The following CLVS1 variants were observed in gnomAD, a reference collection of about 807,000 sequenced individuals.
CLVS1 encodes clavesin-1.
CLVS1 carries 10 observed loss-of-function variants against 33.1 expected under a neutral mutation model. That is an observed-to-expected ratio of 0.30 (90% CI 0.19 to 0.51). The LOEUF (loss-of-function observed/expected upper bound fraction) is 0.51. Ranked by LOEUF, CLVS1 falls within the 20% of genes least tolerant of loss-of-function variation. The probability of loss-of-function intolerance (pLI) is 0.97; values close to 1 mark genes in which losing one functional copy is unlikely to be tolerated. For synonymous variants in CLVS1, 163 were observed against 166.1 expected, an observed-to-expected ratio of 0.98 and a Z score of 0.14; for missense variants, 343 against 433.4, an observed-to-expected ratio of 0.79 and a Z score of 1.85.
At chr8:60,973,956 T>C in the CLVS1 span, among the ~76,000 whole-genome samples, 1 of 152,202 alleles carries the variant, frequency 6.6e-6, no homozygotes, top group African/African-American at 2.4e-5. Context: ...TGTAATTTTA[T>C]TTTTATTCTT....
At chr8:61,321,546 T>C (rs568521818) in intron 2 of CLVS1, among the ~76,000 whole-genome samples, 31 of 152,220 alleles carry the variant, frequency 2.0e-4, no homozygotes, top group Admixed American at 6.5e-4. Flanking sequence ...ATGCAAACTC[T>C]ACATTCTCTA....
intron 2 of CLVS1, among the ~76,000 whole-genome samples, chr8:61,368,197 C>G (rs1188254981): frequency 1.3e-5 from 2 of 152,168 alleles, no homozygotes; most frequent in East Asian, 3.8e-4. Context: ...ATTGCACATG[C>G]ACACACACAG....
At chr8:61,414,561 G>T (rs1263764468) in intron 3 of CLVS1, among the ~76,000 whole-genome samples, 1 of 152,138 alleles carries the variant, frequency 6.6e-6, no homozygotes, top group Non-Finnish European at 1.5e-5. Flanking sequence ...AAGAGATTGA[G>T]AAATGCCCTC....
At chr8:61,299,614 A>C in intron 1 of CLVS1, 63 bp from the exon 2 acceptor site, 2 of 543,280 alleles carry the variant, frequency 3.7e-6, no homozygotes, top group Non-Finnish European at 6.5e-6. Context: ...GCTCCAATTA[A>C]TTTGCCCAGA....
At chr8:61,106,868 A>G (rs757691434) in intron 1 of CLVS1, among the ~76,000 whole-genome samples, 11 of 152,144 alleles carry the variant, frequency 7.2e-5, no homozygotes, top group South Asian at 2.1e-4. Flanking sequence ...GAGGCGGGCA[A>G]GCAGAGGGCC....
chr8:61,260,000 C>T (rs748623502), intron 2 of CLVS1, among the ~76,000 whole-genome samples: 4 of 152,200 alleles, frequency 2.6e-5, no homozygotes, highest in African/African-American at 4.8e-5. Flanking sequence ...TTGCTCCCTT[C>T]ACACGTGTTG....
chr8:61,179,133 A>C (rs1190961248), intron 2 of CLVS1, among the ~76,000 whole-genome samples: 1 of 152,230 alleles, frequency 6.6e-6, no homozygotes, highest in Non-Finnish European at 1.5e-5. Context: ...ATAGGCTCAA[A>C]ATAAAGGGAT....
chr8:61,017,867 C>T, the CLVS1 span, among the ~76,000 whole-genome samples: 1 of 152,220 alleles, frequency 6.6e-6, no homozygotes, highest in Non-Finnish European at 1.5e-5. Context: ...CAGTTTAGGG[C>T]TCTTTCTGGG....
chr8:61,244,095 G>A (rs1332882857), intron 2 of CLVS1, among the ~76,000 whole-genome samples: 1 of 152,142 alleles, frequency 6.6e-6, no homozygotes, highest in African/African-American at 2.4e-5. Context: ...CCCAGCTGAG[G>A]TCGAACCAAA....
At chr8:61,284,429 C>T (rs572012588), upstream of CLVS1, among the ~76,000 whole-genome samples, 4 of 152,292 alleles carry the variant, frequency 2.6e-5, no homozygotes, top group East Asian at 7.7e-4. Flanking sequence ...GTACTAATTA[C>T]CCTAATTTTG....
chr8:61,226,709 T>A lies in CLVS1; in HGVS notation c.-151-72968T>A, dbSNP rs140281456. Among the ~76,000 whole-genome samples, 1,009 of 152,344 alleles carry A rather than the reference T, an allele frequency of 6.6e-3. 13 individuals are homozygous for A. Among genetic ancestry groups the A allele is most frequent in the African/African-American group, 0.023 (949 of 41,588 alleles). On this transcript the variant is annotated intron_variant, in intron 2 of 2. Transcript: ENST00000522621. ...ATGATTTAAGATCAAAATCATCTTC[T>A]GTTCACTGGCCTCAGCTTCTTAACA...
At chr8:61,213,663 T>A (rs1486695843) in intron 2 of CLVS1, among the ~76,000 whole-genome samples, 2 of 152,146 alleles carry the variant, frequency 1.3e-5, no homozygotes, top group Admixed American at 1.3e-4. Context: ...TTTAATCTCT[T>A]AATCCTGTCA....
chr8:61,332,481 G>C (rs990170316), intron 2 of CLVS1, among the ~76,000 whole-genome samples: 1 of 152,138 alleles, frequency 6.6e-6, no homozygotes, highest in African/African-American at 2.4e-5. Context: ...TGTTACGACA[G>C]TGACTATTTG....
intron 2 of CLVS1, among the ~76,000 whole-genome samples, chr8:61,239,634 G>A (rs1808650496): frequency 6.6e-6 from 1 of 152,094 alleles, no homozygotes; most frequent in African/African-American, 2.4e-5. Context: ...TACTTGGGAG[G>A]CTGGGGTGGG....
intron 1 of CLVS1, among the ~76,000 whole-genome samples, chr8:61,059,497 T>TATATATATATATATATATAC (rs1804543350): frequency 2.0e-5 from 2 of 100,712 alleles, no homozygotes; most frequent in Non-Finnish European, 4.3e-5. Flanking sequence ...TATATATATA[T>TATATATATATATATATATAC]ATACACATAT....
the CLVS1 span, among the ~76,000 whole-genome samples, chr8:61,042,951 T>A: frequency 6.6e-6 from 1 of 152,224 alleles, no homozygotes; most frequent in Non-Finnish European, 1.5e-5. Flanking sequence ...AAGGCACATA[T>A]GGGTGTTTAC....
intron 2 of CLVS1, among the ~76,000 whole-genome samples, chr8:61,229,553 G>A (rs928179400): frequency 6.6e-6 from 1 of 152,220 alleles, no homozygotes; most frequent in Non-Finnish European, 1.5e-5. Context: ...CACATTGGCA[G>A]AGGGAGAGTT....
At chr8:61,393,170 C>T (rs1384292160) in intron 3 of CLVS1, among the ~76,000 whole-genome samples, 1 of 152,158 alleles carries the variant, frequency 6.6e-6, no homozygotes, top group Non-Finnish European at 1.5e-5. Context: ...GCATGAGCCA[C>T]CACACCCGGC....
intron 3 of CLVS1, among the ~76,000 whole-genome samples, chr8:61,401,577 A>AGG (rs1335077204): frequency 2.2e-4 from 34 of 152,328 alleles, no homozygotes; most frequent in African/African-American, 8.2e-4. Flanking sequence ...CAAATGGAAA[A>AGG]ATGTTCCATG....
Sources: allele counts gnomAD v4.1 joint callset (sites outside exome capture counted in the v4.1 genomes callset), GRCh38; gene constraint gnomAD v4.1.1; transcripts MANE v1.5; gene names NCBI Gene and HGNC (gene_info 2026-07-23, HGNC 2026-07-21).